ESF1: variants seen among roughly 807,000 people sequenced by gnomAD.
The protein encoded by ESF1 is ESF1 nucleolar pre-rRNA processing protein.
In ESF1, 58 loss-of-function variants were observed where a neutral mutation model predicts 92.0. The ratio of observed to expected loss-of-function variants is 0.63; its 90% CI spans 0.51 to 0.78. The LOEUF (loss-of-function observed/expected upper bound fraction) is 0.78, where lower values mean the gene tolerates loss of function less well. Among genes scored for constraint, ESF1 ranks in the 30% least tolerant of loss-of-function variants. The probability of loss-of-function intolerance (pLI) is 0.00; values close to 1 mark genes in which losing one functional copy is unlikely to be tolerated. For synonymous variants in ESF1, 321 were observed against 313.7 expected (o/e 1.02, Z -0.24); for missense variants, 922 against 989.1 (o/e 0.93, Z 0.91).
intron 8 of ESF1, among the ~76,000 whole-genome samples, chr20:13,762,071 T>A (rs1215780743): frequency 6.6e-6 from 1 of 152,222 alleles, no homozygotes; most frequent in Non-Finnish European, 1.5e-5. Flanking sequence ...AAAATTCATT[T>A]TGTCCTTGTA....
At chr20:13,760,321 C>T (rs897789202) in intron 8 of ESF1, among the ~76,000 whole-genome samples, 1 of 150,494 alleles carries the variant, frequency 6.6e-6, no homozygotes, top group Non-Finnish European at 1.5e-5. Flanking sequence ...AGCGCCTCTT[C>T]CCGGCCGCCA....
At chr20:13,721,686 C>T (rs113147574) in intron 11 of ESF1, among the ~76,000 whole-genome samples, 6 of 152,304 alleles carry the variant, frequency 3.9e-5, no homozygotes, top group African/African-American at 1.4e-4. Flanking sequence ...CTCTTGCACA[C>T]CTGTCCAGTA....
At chr20:13,735,617 G>T (rs2049970961) in intron 9 of ESF1, among the ~76,000 whole-genome samples, 1 of 152,036 alleles carries the variant, frequency 6.6e-6, no homozygotes, top group East Asian at 1.9e-4. Context: ...CTGCCCATAG[G>T]TCAGCACACA....
intron 9 of ESF1, among the ~76,000 whole-genome samples, chr20:13,744,896 GT>G (rs1366402898): frequency 1.3e-5 from 2 of 152,064 alleles, no homozygotes; most frequent in African/African-American, 4.8e-5. Context: ...TTGCCTATTT[GT>G]TTACTAACTT....
chr20:13,770,971 T>C (rs1476122440), intron 6 of ESF1, among the ~76,000 whole-genome samples: 1 of 152,222 alleles, frequency 6.6e-6, no homozygotes, highest in East Asian at 1.9e-4. Context: ...GATCTAGAGA[T>C]AACAATCTGT....
chr20:13,782,769 A>C lies in ESF1; in HGVS notation c.372T>G (p.Gly124=). The part of the protein sequence containing the change: ...KKETKKANHK[G]SENKTDLDNS... ...TATCTAAATCAGTTTTATTTTCAGA[A>C]CCCTTGTGATTAGCCTTCTTGGTTT... is the stretch of plus-strand genomic sequence containing the variant. The change falls in exon 2 of 14, where the codon GGT becomes GGG. Residue 124 remains glycine (G), a synonymous_variant. Transcript: ENST00000617257. The C allele has an allele frequency of 6.2e-7, 1 of 1,600,020 alleles. No individual in the cohort carries two copies. The highest frequency in any genetic ancestry group is 8.5e-7 in the Non-Finnish European group (1 of 1,176,644).
intron 11 of ESF1, among the ~76,000 whole-genome samples, chr20:13,724,388 A>G (rs924520568): frequency 5.3e-5 from 8 of 152,252 alleles, no homozygotes; most frequent in Non-Finnish European, 8.8e-5. Flanking sequence ...TACCTACTAC[A>G]GATCCTTATA....
At chr20:13,718,490 A>T (rs1428754461) in intron 12 of ESF1, among the ~76,000 whole-genome samples, 1 of 152,214 alleles carries the variant, frequency 6.6e-6, no homozygotes, top group Non-Finnish European at 1.5e-5. Flanking sequence ...TATTCACAAT[A>T]AGAAAAACAG....
At position 13,775,175 on chromosome 20, in the gene ESF1, A is replaced by C. The variant is rs776739119; in HGVS notation, c.1131T>G (p.Gly377=). ...ALFNSFKPKG[G]VIFSVKIYPS... ...TTCTCACCTTGACGGAAAATATTAC[A>C]CCTCCTTTGGGTTTAAATGAATTGA... Residue 377 remains glycine (G), a synonymous_variant, in exon 4 of 14, where the codon GGT becomes GGG. Transcript: ENST00000617257. 6.3e-7 allele frequency: 1 copy of C among 1,599,280 alleles called. No homozygotes were observed. Among genetic ancestry groups the C allele is most frequent in the East Asian group, 2.2e-5 (1 of 44,642 alleles).
At chr20:13,754,662 G>C (rs1052344350) in intron 9 of ESF1, among the ~76,000 whole-genome samples, 4 of 152,202 alleles carry the variant, frequency 2.6e-5, no homozygotes, top group East Asian at 1.9e-4. Flanking sequence ...CCATTTGATT[G>C]ATCTCCCCAA....
rs185348897 is a variant in ESF1 at position 13,750,326 on chromosome 20, G to A, written c.1828+9366C>T. On this transcript the variant is annotated intron_variant, in intron 9 of 13. Transcript: ENST00000617257. The stretch of plus-strand genomic sequence containing the variant: ...TCGAGACCAGCCTGGCTAACATGGT[G>A]AAACCCCATCTCTACAAAAAATATA... 1.4e-4 allele frequency among the ~76,000 whole-genome samples: 21 copies of A among 152,256 alleles called. No individual in the cohort carries two copies. In the East Asian group the frequency reaches 3.7e-3, roughly 27 times the overall value.
chr20:13,729,284 G>C (rs1229470718), intron 10 of ESF1, among the ~76,000 whole-genome samples: 1 of 152,068 alleles, frequency 6.6e-6, no homozygotes, highest in African/African-American at 2.4e-5. Context: ...AAAAAATATA[G>C]AATACTTAAT....
At chr20:13,754,485 C>A (rs1978790147) in intron 9 of ESF1, among the ~76,000 whole-genome samples, 2 of 152,128 alleles carry the variant, frequency 1.3e-5, no homozygotes, top group African/African-American at 4.8e-5. Flanking sequence ...TAATTTATAT[C>A]TCTACCAGCC....
chr20:13,779,074 G>A (rs911179403), intron 2 of ESF1, among the ~76,000 whole-genome samples: 1 of 151,942 alleles, frequency 6.6e-6, no homozygotes. Context: ...ACCCCAAAAA[G>A]TATCTGCTTA....
At chr20:13,734,842 T>A (rs748643543) in intron 9 of ESF1, among the ~76,000 whole-genome samples, 2 of 152,144 alleles carry the variant, frequency 1.3e-5, no homozygotes, top group East Asian at 3.8e-4. Flanking sequence ...GTAGAAACGA[T>A]ACTAAATACA....
intron 9 of ESF1, among the ~76,000 whole-genome samples, chr20:13,736,526 CATA>C (rs2049976517): frequency 6.6e-6 from 1 of 152,144 alleles, no homozygotes; most frequent in Non-Finnish European, 1.5e-5. Context: ...TTTAGTATTT[CATA>C]ATATTTAGCA....
rs762529221 is a variant in ESF1, at chr20:13,769,957, T to C, written c.1468A>G (p.Thr490Ala). Residue 490 changes from threonine to alanine, a missense_variant, in exon 7 of 14, where the codon ACA becomes GCA. Transcript: ENST00000617257. The part of the protein sequence containing the change: ...PKDVASEVNL[T>A]AYKPKYFTSA... ...GTGAAATATTTTGGTTTATATGCTG[T>C]TAAATTCACTTCTGAGGCTACATCC... 1.2e-6 allele frequency: 2 copies of C among 1,612,540 alleles called. No homozygotes were observed. The highest frequency in any genetic ancestry group is 1.7e-6 in the Non-Finnish European group (2 of 1,179,730).
chr20:13,722,644 G>A (rs2049875585), intron 11 of ESF1, among the ~76,000 whole-genome samples: 2 of 152,080 alleles, frequency 1.3e-5, no homozygotes, highest in African/African-American at 4.8e-5. Context: ...GAAGCCAGGA[G>A]TTTGAGACCA....
chr20:13,764,473 A>T (rs1979340289), intron 8 of ESF1, among the ~76,000 whole-genome samples: 1 of 152,174 alleles, frequency 6.6e-6, no homozygotes. Context: ...CTTCAACAAC[A>T]TGGAGGTTAG....
Sources: gnomAD v4.1 joint callset for allele counts (sites outside exome capture counted in the v4.1 genomes callset) on GRCh38, gnomAD v4.1.1 for gene constraint, MANE v1.5 for transcripts, NCBI Gene and HGNC (gene_info 2026-07-23, HGNC 2026-07-21) for gene names.